Variants in GNL3L observed in about 807,000 individuals in gnomAD.
GNL3L encodes the protein G protein nucleolar 3 like.
Under a neutral mutation model 42.9 loss-of-function variants are expected in GNL3L, and 4 were observed. The ratio of observed to expected loss-of-function variants is 0.09; its 90% CI spans 0.05 to 0.21. The LOEUF (loss-of-function observed/expected upper bound fraction) is 0.21, where lower values mean the gene tolerates loss of function less well. Ranked by LOEUF, GNL3L falls within the 10% of genes least tolerant of loss-of-function variation. GNL3L has a pLI of 1.00. For synonymous variants in GNL3L, 159 were observed against 176.3 expected (o/e 0.90, Z 0.78); for missense variants, 412 against 481.7 (o/e 0.86, Z 1.36).
intron 8 of GNL3L, among the ~76,000 whole-genome samples, chrX:54,544,727 C>T (rs1165725762): frequency 9.0e-6 from 1 of 110,804 alleles, no homozygotes; most frequent in African/African-American, 3.3e-5. Context: ...ATCCACCCAC[C>T]TCGGCCTCCC....
chrX:54,552,467 A>C (rs763796332), intron 13 of GNL3L, 39 bp downstream of exon 13: 25 of 1,171,542 alleles, frequency 2.1e-5, no homozygotes, highest in Non-Finnish European at 2.8e-5. Flanking sequence ...GTCTTGCACT[A>C]GTGGGGCCAC....
chrX:54,553,935 G>A (rs1205605716), intron 13 of GNL3L, among the ~76,000 whole-genome samples: 1 of 111,594 alleles, frequency 9.0e-6, no homozygotes, highest in African/African-American at 3.3e-5. Context: ...GAGGGCAAGA[G>A]GTGCTCCATC....
the GNL3L span, among the ~76,000 whole-genome samples, chrX:54,632,745 T>C: frequency 8.9e-6 from 1 of 112,314 alleles, no homozygotes; most frequent in East Asian, 2.8e-4. Flanking sequence ...ATAATCAACC[T>C]TCTGAATTAT....
At chrX:54,611,024 G>T (rs190214622) in intron 16 of GNL3L, among the ~76,000 whole-genome samples, 1 of 110,956 alleles carries the variant, frequency 9.0e-6, no homozygotes, top group Non-Finnish European at 1.9e-5. Flanking sequence ...CAGCCTCGCT[G>T]CTTGTTATTG....
In GNL3L at chrX:54,615,472, A is replaced by G. The variant is rs142427846; in HGVS notation, c.*46-5373A>G. Among the ~76,000 whole-genome samples the G allele has an allele frequency of 2.7e-3, 298 of 111,860 alleles. 3 individuals carry two copies. Among genetic ancestry groups the G allele is most frequent in the African/African-American group, 9.5e-3 (292 of 30,776 alleles). ...TGGGTCATATGGCAACTCCATGTTT[A>G]ACTTTTAGAGTAACTGTCAAACTGT... On this transcript the variant is annotated intron_variant, in intron 16 of 16. Transcript: ENST00000674498.
rs1925423561 is a variant in GNL3L at position 54,566,199 on chromosome X, T to G, written c.*5597T>G. On this transcript the variant is annotated 3_prime_UTR_variant, in exon 16 of 16. Coordinates refer to ENST00000360845, the MANE Select transcript of GNL3L (RefSeq NM_001184819.2). The stretch of plus-strand genomic sequence containing the variant: ...CTTTATTGACACATTTGTTTTTATT[T>G]TTAAAAATTATGGTAAAATACACAG... Among the ~76,000 whole-genome samples the G allele has an allele frequency of 8.9e-6, 1 of 111,780 alleles. No homozygotes were observed. Among genetic ancestry groups the G allele is most frequent in the Admixed American group, 9.6e-5 (1 of 10,435 alleles).
At chrX:54,551,359 A>G (rs950965905) in intron 10 of GNL3L, among the ~76,000 whole-genome samples, 1 of 111,941 alleles carries the variant, frequency 8.9e-6, no homozygotes, top group Non-Finnish European at 1.9e-5. Flanking sequence ...AAGATCCTGC[A>G]GCTCAGTCCC....
intron 16 of GNL3L, among the ~76,000 whole-genome samples, chrX:54,574,586 T>C (rs1290775774): frequency 2.7e-5 from 3 of 112,408 alleles, no homozygotes; most frequent in Non-Finnish European, 5.6e-5. Context: ...TATTTGTATA[T>C]AGTTTTCTTG....
At chrX:54,611,862 A>G (rs183879087) in intron 16 of GNL3L, among the ~76,000 whole-genome samples, 9 of 112,148 alleles carry the variant, frequency 8.0e-5, no homozygotes, top group Admixed American at 7.5e-4. Context: ...CCTTGGAGAA[A>G]GTTCCATGTG....
At chrX:54,567,831 C>T (rs1252699305), downstream of GNL3L, among the ~76,000 whole-genome samples, 1 of 111,022 alleles carries the variant, frequency 9.0e-6, no homozygotes, top group Non-Finnish European at 1.9e-5. Flanking sequence ...TTTTATGCAT[C>T]TATTGAAATG....
At chrX:54,593,103 G>A (rs747024454) in intron 16 of GNL3L, among the ~76,000 whole-genome samples, 1 of 111,563 alleles carries the variant, frequency 9.0e-6, no homozygotes, top group Non-Finnish European at 1.9e-5. Flanking sequence ...ATGTGTTTTT[G>A]TCTGGTTTTA....
chrX:54,615,589 G>A (rs995591709), intron 16 of GNL3L, among the ~76,000 whole-genome samples: 3 of 111,749 alleles, frequency 2.7e-5, no homozygotes, highest in Non-Finnish European at 3.8e-5. Context: ...AACTGGAGAC[G>A]AAGTCTTCCC....
rs138875182 is a variant in GNL3L at position 54,589,228 on chromosome X, A to G, written c.*45+28581A>G. Among the ~76,000 whole-genome samples, 613 of 111,691 alleles carry G rather than the reference A, an allele frequency of 5.5e-3. 4 individuals are homozygous for G. Among genetic ancestry groups the G allele is most frequent in the African/African-American group, 0.019 (596 of 30,727 alleles). On this transcript the variant is annotated intron_variant, in intron 16 of 16. Transcript: ENST00000674498. The stretch of plus-strand genomic sequence containing the variant: ...ATTATTGACTATAGTCACCCTATAA[A>G]TAGACGGAAAAATAGTCTATTATTG...
chrX:54,609,536 G>T (rs1422818568), intron 16 of GNL3L, among the ~76,000 whole-genome samples: 1 of 112,398 alleles, frequency 8.9e-6, no homozygotes, highest in African/African-American at 3.2e-5. Context: ...TAAGGTGAGA[G>T]ATGAGGATCC....
At chrX:54,643,408 C>T in the GNL3L span, among the ~76,000 whole-genome samples, 1 of 110,639 alleles carries the variant, frequency 9.0e-6, no homozygotes, top group Non-Finnish European at 1.9e-5. Flanking sequence ...TTAGGTTTAC[C>T]AATCATTCCC....
At chrX:54,614,749 C>T (rs977302675) in intron 16 of GNL3L, among the ~76,000 whole-genome samples, 11 of 111,472 alleles carry the variant, frequency 9.9e-5, no homozygotes, top group African/African-American at 2.9e-4. Context: ...TTCCGCTGTT[C>T]GGGCGCTCAC....
Position 54,566,958 on chromosome X carries a change from C to G in GNL3L, c.*6356C>G, listed in dbSNP as rs1418064721. ...CTGTTAAATTTATTAATTTGTTTTT[C>G]TATGGATCATGCTTTTTGTGTTACA... On this transcript the variant is annotated 3_prime_UTR_variant, in exon 16 of 16. Coordinates refer to ENST00000360845, the MANE Select transcript of GNL3L (RefSeq NM_001184819.2). 8.9e-6 allele frequency among the ~76,000 whole-genome samples: 1 copy of G among 111,897 alleles called. No homozygotes were observed. The highest frequency in any genetic ancestry group is 9.5e-5 in the Admixed American group (1 of 10,506).
the GNL3L span, among the ~76,000 whole-genome samples, chrX:54,635,044 G>A: frequency 5.1e-4 from 54 of 106,080 alleles, no homozygotes; most frequent in South Asian, 1.7e-3. Context: ...CACCCATCTC[G>A]GCCTCCCAAA....
intron 13 of GNL3L, 82 bp downstream of exon 13, chrX:54,552,510 C>T (rs376406931): frequency 1.1e-6 from 1 of 947,280 alleles, no homozygotes. Context: ...CTTTTGACCT[C>T]CCGCTTCCTT....
Sources: allele counts gnomAD v4.1 joint callset (sites outside exome capture counted in the v4.1 genomes callset), GRCh38; gene constraint gnomAD v4.1.1; transcripts MANE v1.5; gene names NCBI Gene and HGNC (gene_info 2026-07-23, HGNC 2026-07-21).